Variants in DPP10 observed in about 807,000 individuals in gnomAD.
DPP10 encodes dipeptidyl peptidase like 10, also known as inactive dipeptidyl peptidase 10.
In DPP10, 33 loss-of-function variants were observed where a neutral mutation model predicts 120.9. That is an observed-to-expected ratio of 0.27 (90% CI 0.21 to 0.37). The LOEUF (loss-of-function observed/expected upper bound fraction) is 0.37, where lower values mean the gene tolerates loss of function less well. Among genes scored for constraint, DPP10 ranks in the 10% least tolerant of loss-of-function variants. The pLI, the probability that DPP10 is intolerant of heterozygous loss-of-function variation, is 1.00. For synonymous variants in DPP10, 337 were observed against 326.1 expected (o/e 1.03, Z -0.36); for missense variants, 816 against 942.8 (o/e 0.87, Z 1.76).
intron 1 of DPP10, among the ~76,000 whole-genome samples, chr2:114,982,004 C>T (rs1700120296): frequency 6.6e-6 from 1 of 151,876 alleles, no homozygotes; most frequent in Non-Finnish European, 1.5e-5. Flanking sequence ...AAGTGATCCT[C>T]CCACCTCAGC....
chr2:114,881,457 G>GTCTGTCTGTCTA (rs140898800), intron 1 of DPP10, among the ~76,000 whole-genome samples: 1 of 144,214 alleles, frequency 6.9e-6, no homozygotes, highest in African/African-American at 2.6e-5. Flanking sequence ...CTGTCTGTCT[G>GTCTGTCTGTCTA]TCTATCTATC....
chr2:115,725,989 G>T (rs1192189816), intron 7 of DPP10, among the ~76,000 whole-genome samples: 1 of 152,162 alleles, frequency 6.6e-6, no homozygotes, highest in African/African-American at 2.4e-5. Context: ...GGGAATCTGA[G>T]AGGTAATTCT....
chr2:114,959,948 C>CA (rs1270942882), intron 1 of DPP10, among the ~76,000 whole-genome samples: 1 of 152,004 alleles, frequency 6.6e-6, no homozygotes, highest in African/African-American at 2.4e-5. Context: ...TGTGAGACAC[C>CA]AGCAGTGTTT....
intron 1 of DPP10, among the ~76,000 whole-genome samples, chr2:114,865,982 C>T (rs1051092028): frequency 2.6e-5 from 4 of 151,938 alleles, no homozygotes; most frequent in African/African-American, 9.7e-5. Context: ...CGTGGTCGTG[C>T]ATGCCTATAA....
chr2:115,027,105 T>C (rs1208995128), intron 1 of DPP10, among the ~76,000 whole-genome samples: 2 of 152,206 alleles, frequency 1.3e-5, no homozygotes, highest in African/African-American at 4.8e-5. Flanking sequence ...GGGATTGCTT[T>C]CTTGATTTGT....
chr2:114,937,664 G>A (rs1010608371), intron 1 of DPP10, among the ~76,000 whole-genome samples: 2 of 152,090 alleles, frequency 1.3e-5, no homozygotes, highest in African/African-American at 4.8e-5. Context: ...AACTGCACTG[G>A]GCTGCATTCC....
At chr2:115,032,706 C>T (rs1008284101) in intron 1 of DPP10, among the ~76,000 whole-genome samples, 1 of 151,554 alleles carries the variant, frequency 6.6e-6, no homozygotes, top group African/African-American at 2.4e-5. Flanking sequence ...CATGGCGAAA[C>T]CCGGTATCTA....
chr2:115,045,894 A>G (rs1705027049), intron 1 of DPP10, among the ~76,000 whole-genome samples: 1 of 151,994 alleles, frequency 6.6e-6, no homozygotes, highest in Non-Finnish European at 1.5e-5. Context: ...TATCAATTCT[A>G]TTAGTTTATA....
In DPP10 at chr2:115,779,076, A is replaced by G. The variant is rs373144113; in HGVS notation, c.1361+1242A>G. On this transcript the variant is annotated intron_variant, in intron 15 of 25. Coordinates refer to ENST00000410059, the MANE Select transcript of DPP10 (RefSeq NM_020868.6). ...TCTTATAAAACTCTCATTTTATAAA[A>G]CTCAAAGAAAAATGACAGCATCAGA... is the stretch of plus-strand genomic sequence containing the variant. Among the ~76,000 whole-genome samples the G allele has an allele frequency of 1.8e-3, 271 of 152,218 alleles. 7 individuals carry two copies. The South Asian group carries it at 0.054, about 30-fold the overall frequency.
At chr2:115,064,018 G>T (rs2105409298) in intron 1 of DPP10, among the ~76,000 whole-genome samples, 1 of 151,910 alleles carries the variant, frequency 6.6e-6, no homozygotes, top group Non-Finnish European at 1.5e-5. Context: ...GTTAAAATTT[G>T]CCCAATTTAC....
intron 1 of DPP10, among the ~76,000 whole-genome samples, chr2:115,307,269 A>G (rs2061395278): frequency 6.6e-6 from 1 of 152,080 alleles, no homozygotes; most frequent in Non-Finnish European, 1.5e-5. Flanking sequence ...ACATGGTTTT[A>G]TCATATTCAC....
In DPP10 at chr2:114,733,263, G is replaced by A. The variant is rs550988140; in HGVS notation, c.60+290425G>A. On this transcript the variant is annotated intron_variant, in intron 1 of 25. Coordinates refer to ENST00000410059, the MANE Select transcript of DPP10 (RefSeq NM_020868.6). Reference sequence around the variant, plus strand: ...GTCCCATCTCTTTTGCTTCACAGTAGCAATCCAAAAATTCCTGCTTTCTTC... The same window carrying A: ...GTCCCATCTCTTTTGCTTCACAGTAACAATCCAAAAATTCCTGCTTTCTTC... Among the ~76,000 whole-genome samples the A allele has an allele frequency of 5.3e-4, 81 of 152,180 alleles. 1 individual carries two copies. Among genetic ancestry groups the A allele is most frequent in the African/African-American group, 1.8e-3 (76 of 41,524 alleles).
At chr2:115,538,649 T>C (rs1391367356) in intron 5 of DPP10, among the ~76,000 whole-genome samples, 2 of 152,024 alleles carry the variant, frequency 1.3e-5, no homozygotes, top group African/African-American at 4.8e-5. Context: ...AGGATAGTAA[T>C]GGACACACTA....
chr2:114,961,470 T>C (rs13016389), intron 1 of DPP10, among the ~76,000 whole-genome samples: 40,905 of 142,244 alleles, frequency 0.29, 5,583 homozygotes, highest in East Asian at 0.37. Flanking sequence ...TGTGTGTGTG[T>C]GCGCGCGCAC....
intron 1 of DPP10, among the ~76,000 whole-genome samples, chr2:114,573,781 A>G (rs193251161): frequency 2.0e-5 from 3 of 152,250 alleles, no homozygotes; most frequent in Admixed American, 6.5e-5. Context: ...GATTGATAGG[A>G]TGGGAACAAT....
intron 3 of DPP10, among the ~76,000 whole-genome samples, chr2:115,476,314 C>T (rs529420429): frequency 4.6e-5 from 7 of 152,194 alleles, no homozygotes; most frequent in African/African-American, 7.2e-5. Context: ...ATTCTGCAGC[C>T]GTGTAAGACA....
chr2:114,858,793 T>G lies in DPP10; in HGVS notation c.60+415955T>G, dbSNP rs542888844. Among the ~76,000 whole-genome samples the G allele has an allele frequency of 2.0e-4, 31 of 152,192 alleles. No homozygotes were observed. In the South Asian group the frequency reaches 6.0e-3, roughly 29 times the overall value. On this transcript the variant is annotated intron_variant, in intron 1 of 25. Transcript: ENST00000410059. ...TCTTATTTATTTCTCAAAACGATCCTAGGAGGTGCTTTTTAATATTTACAT... is the reference window on the plus strand; with the variant it reads ...TCTTATTTATTTCTCAAAACGATCCGAGGAGGTGCTTTTTAATATTTACAT...
At chr2:115,016,639 A>G (rs1186122663) in intron 1 of DPP10, among the ~76,000 whole-genome samples, 2 of 152,128 alleles carry the variant, frequency 1.3e-5, no homozygotes, top group African/African-American at 4.8e-5. Context: ...ATCTTCAAGG[A>G]ACTCAAACAA....
At chr2:115,252,534 C>G (rs1160277189) in intron 1 of DPP10, among the ~76,000 whole-genome samples, 6 of 152,102 alleles carry the variant, frequency 3.9e-5, no homozygotes, top group African/African-American at 7.2e-5. Context: ...TAACTCTATT[C>G]TGATTCTTCA....
Sources: allele counts gnomAD v4.1 joint callset (sites outside exome capture counted in the v4.1 genomes callset), GRCh38; gene constraint gnomAD v4.1.1; transcripts MANE v1.5; gene names NCBI Gene and HGNC (gene_info 2026-07-23, HGNC 2026-07-21).